The following MCPH1 variants were observed in gnomAD, a reference collection of about 807,000 sequenced individuals.
The protein encoded by MCPH1 is microcephalin 1, also known as microcephalin.
Under a neutral mutation model 84.5 loss-of-function variants are expected in MCPH1, and 104 were observed. That is an observed-to-expected ratio of 1.23 (90% CI 1.05 to 1.45). The LOEUF (loss-of-function observed/expected upper bound fraction) is 1.45, where lower values mean the gene tolerates loss of function less well. Among genes scored for constraint, MCPH1 ranks in the 40% most tolerant of loss-of-function variants. The pLI is 0.00. For synonymous variants in MCPH1, 514 were observed against 366.8 expected, an observed-to-expected ratio of 1.40 and a Z score of -4.58; for missense variants, 1,498 against 1,005.7, an observed-to-expected ratio of 1.49 and a Z score of -6.62.
At chr8:6,439,433 C>T (rs1167539458) in intron 6 of MCPH1, among the ~76,000 whole-genome samples, 1 of 150,190 alleles carries the variant, frequency 6.7e-6, no homozygotes, top group Non-Finnish European at 1.5e-5. Context: ...ATTTGTCACC[C>T]AGGCTGGAGT....
chr8:6,524,641 A>C (rs907863624), intron 12 of MCPH1, among the ~76,000 whole-genome samples: 6 of 152,224 alleles, frequency 3.9e-5, no homozygotes, highest in Non-Finnish European at 8.8e-5. Context: ...AAAATCAAGA[A>C]ATGAAAGCAT....
chr8:6,525,080 CA>C (rs1231853552), intron 12 of MCPH1, among the ~76,000 whole-genome samples: 1 of 152,240 alleles, frequency 6.6e-6, no homozygotes, highest in Non-Finnish European at 1.5e-5. Flanking sequence ...CTGGTAAATC[CA>C]CCTTTTTTTG....
At chr8:6,574,412 A>G (rs1002802596) in intron 12 of MCPH1, among the ~76,000 whole-genome samples, 1 of 152,204 alleles carries the variant, frequency 6.6e-6, no homozygotes, top group African/African-American at 2.4e-5. Context: ...CCACTCCAGG[A>G]GGACCTCCTC....
At chr8:6,518,748 A>C (rs189290450) in intron 12 of MCPH1, among the ~76,000 whole-genome samples, 1 of 152,200 alleles carries the variant, frequency 6.6e-6, no homozygotes, top group Non-Finnish European at 1.5e-5. Flanking sequence ...TGTTGGTTCA[A>C]TATGTAGCTG....
rs79587586 is a variant in MCPH1 at position 6,437,970 on chromosome 8, C to T, written c.437-983C>T. 3.3e-3 allele frequency among the ~76,000 whole-genome samples: 497 copies of T among 152,300 alleles called. 3 individuals carry two copies. Among genetic ancestry groups the T allele is most frequent in the African/African-American group, 0.011 (475 of 41,554 alleles). ...AAACTTTAAACCAGAAGGACATCCCCTCCCTGGTTTAAAATTTCCTGGTGT... is the reference window on the plus strand; with the variant it reads ...AAACTTTAAACCAGAAGGACATCCCTTCCCTGGTTTAAAATTTCCTGGTGT... On this transcript the variant is annotated intron_variant, in intron 5 of 13. Transcript: ENST00000344683.
At chr8:6,461,276 G>GT (rs111973632) in intron 9 of MCPH1, among the ~76,000 whole-genome samples, 36,629 of 137,824 alleles carry the variant, frequency 0.27, 6,411 homozygotes, top group African/African-American at 0.51. Flanking sequence ...AAAAGAGTCT[G>GT]TTTTTTTTTA....
chr8:6,609,647 C>T (rs147382720), intron 12 of MCPH1, among the ~76,000 whole-genome samples: 5 of 152,244 alleles, frequency 3.3e-5, no homozygotes, highest in East Asian at 3.9e-4. Flanking sequence ...AAAGCTAAGC[C>T]GGGAGCGATT....
intron 12 of MCPH1, among the ~76,000 whole-genome samples, chr8:6,619,967 C>T (rs1831240556): frequency 6.6e-6 from 1 of 152,246 alleles, no homozygotes; most frequent in Non-Finnish European, 1.5e-5. Context: ...CATTTCCATG[C>T]AGCTTGGCCC....
intron 12 of MCPH1, among the ~76,000 whole-genome samples, chr8:6,559,167 C>A (rs1043905782): frequency 6.6e-6 from 1 of 151,446 alleles, no homozygotes; most frequent in Admixed American, 6.6e-5. Context: ...ATGAACCAAG[C>A]CCTGGGTTTT....
rs906051266 is a variant in MCPH1, at chr8:6,484,012, G to A, written c.2136+3136G>A. On this transcript the variant is annotated intron_variant, in intron 11 of 13. Transcript: ENST00000344683. ...GTAAACATACAAGAAAAATGATCTT[G>A]GTGTAGGCAAAGAGTTCTTAGATAC... Among the ~76,000 whole-genome samples the A allele has an allele frequency of 2.0e-5, 3 of 152,232 alleles. No individual in the cohort carries two copies. The East Asian group carries it at 5.8e-4, about 29-fold the overall frequency.
intron 12 of MCPH1, among the ~76,000 whole-genome samples, chr8:6,601,313 G>A (rs1006044238): frequency 6.6e-6 from 1 of 152,126 alleles, no homozygotes; most frequent in Non-Finnish European, 1.5e-5. Flanking sequence ...CTTCTCTGAA[G>A]GTTCTAGTTC....
intron 12 of MCPH1, chr8:6,508,944 T>A (rs963925218): frequency 5.6e-6 from 9 of 1,614,180 alleles, no homozygotes; most frequent in Non-Finnish European, 6.8e-6. Context: ...CCTGTTAGCA[T>A]TTGTGAACAT....
chr8:6,620,085 T>C (rs1435125064), intron 12 of MCPH1: 1 of 152,182 alleles, frequency 6.6e-6, no homozygotes, highest in East Asian at 1.9e-4. Context: ...ATTAAATCAG[T>C]AGCCCTTTCC....
chr8:6,598,398 G>A (rs1416890145), intron 12 of MCPH1, among the ~76,000 whole-genome samples: 3 of 152,170 alleles, frequency 2.0e-5, no homozygotes, highest in Non-Finnish European at 2.9e-5. Context: ...GACAGAGCCG[G>A]CGACCGGCCA....
chr8:6,598,090 A>T (rs1041438402), intron 12 of MCPH1, among the ~76,000 whole-genome samples: 3 of 152,164 alleles, frequency 2.0e-5, no homozygotes, highest in African/African-American at 7.2e-5. Flanking sequence ...CCTCCGCTCA[A>T]CAGGGTGAGG....
At chr8:6,622,967 A>G (rs982289765) in intron 13 of MCPH1, among the ~76,000 whole-genome samples, 1 of 151,010 alleles carries the variant, frequency 6.6e-6, no homozygotes, top group African/African-American at 2.4e-5. Context: ...CAGCCTCCCA[A>G]GTAGCTGGAA....
At chr8:6,433,776 C>G (rs1402603598) in intron 4 of MCPH1, among the ~76,000 whole-genome samples, 1 of 151,922 alleles carries the variant, frequency 6.6e-6, no homozygotes, top group Admixed American at 6.6e-5. Flanking sequence ...TAAAAACCTT[C>G]CCTTTCCTTC....
intron 2 of MCPH1, among the ~76,000 whole-genome samples, chr8:6,414,287 C>T (rs1415245688): frequency 3.3e-5 from 5 of 152,206 alleles, no homozygotes; most frequent in African/African-American, 7.2e-5. Context: ...GGATTACAGG[C>T]ATGAGCCACC....
chr8:6,431,327 A>G (rs558995899), intron 3 of MCPH1, among the ~76,000 whole-genome samples, 172 bp from the exon 4 acceptor site: 3 of 152,228 alleles, frequency 2.0e-5, no homozygotes, highest in African/African-American at 7.2e-5. Flanking sequence ...TGATTTTGGG[A>G]AGTTTGATTT....
Sources: gnomAD v4.1 joint callset for allele counts (sites outside exome capture counted in the v4.1 genomes callset) on GRCh38, gnomAD v4.1.1 for gene constraint, MANE v1.5 for transcripts, NCBI Gene and HGNC (gene_info 2026-07-23, HGNC 2026-07-21) for gene names.